The following ZNF718 variants were observed in gnomAD, a reference collection of about 807,000 sequenced individuals.
The protein encoded by ZNF718 is zinc finger protein 718.
ZNF718 carries 3 observed loss-of-function variants against 2.6 expected under a neutral mutation model. The ratio of observed to expected loss-of-function variants is 1.16; its 90% CI spans 0.53 to 3.01. The LOEUF (loss-of-function observed/expected upper bound fraction) is 3.01. Ranked by LOEUF, ZNF718 falls within the 30% of genes most tolerant of loss-of-function variation. The pLI, the probability that ZNF718 is intolerant of heterozygous loss-of-function variation, is 0.03. For synonymous variants in ZNF718, 135 were observed against 77.9 expected (o/e 1.73, Z -3.86); for missense variants, 468 against 230.0 (o/e 2.03, Z -6.69).
At chr4:149,902 T>C (rs574170450) in intron 3 of ZNF718, 25 of 152,256 alleles carry the variant, frequency 1.6e-4, no homozygotes, top group African/African-American at 4.8e-4. Context: ...AATTGCCTTC[T>C]TAAACATTTT....
downstream of ZNF718, among the ~76,000 whole-genome samples, chr4:167,710 G>A (rs1717122272): frequency 6.6e-6 from 1 of 152,174 alleles, no homozygotes; most frequent in Non-Finnish European, 1.5e-5. Context: ...TGTGTCCTGA[G>A]ACTTTGCTGA....
In ZNF718 at chr4:177,321, CACTG is replaced by C. The variant is rs148241146; in HGVS notation, c.227-23755_227-23752del. On this transcript the variant is annotated intron_variant and NMD_transcript_variant, in intron 3 of 4. Coordinates refer to the ZNF718 transcript ENST00000642529. ...TCCAGAAATTGTAGAGGTCTTGACA[CACTG>C]ACTGCAGCTCAGGAATAAATTCGCC... is the stretch of plus-strand genomic sequence containing the variant. 3.8e-3 allele frequency among the ~76,000 whole-genome samples: 585 copies of C among 152,316 alleles called. 9 individuals are homozygous for C. The highest frequency in any genetic ancestry group is 0.013 in the African/African-American group (541 of 41,572).
chr4:155,531 C>G (rs1484592439), intron 3 of ZNF718, among the ~76,000 whole-genome samples: 1 of 152,150 alleles, frequency 6.6e-6, no homozygotes, highest in Non-Finnish European at 1.5e-5. Flanking sequence ...ATTTGACTGC[C>G]TTGCTGAATT....
At chr4:175,659 C>T (rs782046758) in intron 3 of ZNF718, among the ~76,000 whole-genome samples, 1 of 152,046 alleles carries the variant, frequency 6.6e-6, no homozygotes, top group Admixed American at 6.6e-5. Context: ...TGCTTTAGTG[C>T]GTCAGCAATG....
intron 3 of ZNF718, among the ~76,000 whole-genome samples, chr4:138,420 A>T (rs377033888): frequency 6.6e-6 from 1 of 152,136 alleles, no homozygotes; most frequent in Non-Finnish European, 1.5e-5. Flanking sequence ...TCTTAACATA[A>T]TGACCTCTAG....
At chr4:133,465 A>T (rs897906855) in intron 3 of ZNF718, among the ~76,000 whole-genome samples, 5 of 152,076 alleles carry the variant, frequency 3.3e-5, no homozygotes, top group Non-Finnish European at 7.4e-5. Flanking sequence ...AATAACTATT[A>T]TCTTTTAATT....
chr4:135,021 A>G (rs1715496475), intron 3 of ZNF718, among the ~76,000 whole-genome samples: 1 of 152,170 alleles, frequency 6.6e-6, no homozygotes, highest in South Asian at 2.1e-4. Context: ...AGGTGGGTGG[A>G]TCACAAGGTC....
intron 3 of ZNF718, among the ~76,000 whole-genome samples, chr4:171,171 A>T (rs1717217433): frequency 6.6e-6 from 1 of 152,152 alleles, no homozygotes. Context: ...GATATTGGTG[A>T]ACAGCAGATG....
rs1166245424 is a variant in ZNF718, at chr4:129,777, T to TA, written c.4-1000dup. On this transcript the variant is annotated intron_variant, in intron 1 of 3. Transcript: ENST00000510175. Reference sequence around the variant, plus strand: ...ATATTGAGCTATTATTCTACGCATTTAAAAAAAAAAACAATGATAAGAAAA... The same window carrying TA: ...ATATTGAGCTATTATTCTACGCATTTAAAAAAAAAAAACAATGATAAGAAAA... Among the ~76,000 whole-genome samples the TA allele has an allele frequency of 8.1e-3, 750 of 92,592 alleles. 216 individuals are homozygous for TA. Among genetic ancestry groups the TA allele is most frequent in the African/African-American group, 0.027 (727 of 26,660 alleles). The allele number at this position is 92,592 out of a possible 152,430, so 60.7% of individuals were successfully genotyped here. A position where few individuals can be genotyped will look rare whatever the true frequency, so the allele number is the denominator to read the frequency against.
At chr4:192,783 A>T (rs1717718581) in intron 3 of ZNF718, among the ~76,000 whole-genome samples, 1 of 152,164 alleles carries the variant, frequency 6.6e-6, no homozygotes, top group Non-Finnish European at 1.5e-5. Context: ...TTGTAGTTTT[A>T]CAGCTTCGAT....
intron 3 of ZNF718, among the ~76,000 whole-genome samples, chr4:194,132 A>G (rs1717747446): frequency 6.6e-6 from 1 of 152,114 alleles, no homozygotes; most frequent in Admixed American, 6.5e-5. Context: ...GCCAAGTTCA[A>G]TAGGGTTTCT....
At chr4:142,058 A>G in intron 3 of ZNF718, 1 of 520,012 alleles carries the variant, frequency 1.9e-6, no homozygotes, top group Middle Eastern at 3.2e-4. Context: ...CACCCACACT[A>G]CAACAAAATG....
chr4:152,133 C>T (rs184054492), intron 3 of ZNF718, among the ~76,000 whole-genome samples: 33 of 148,924 alleles, frequency 2.2e-4, no homozygotes, highest in African/African-American at 7.9e-4. Context: ...AGCCTTAAGG[C>T]GGTTTTTCCC....
rs1553814082 is a variant in ZNF718 at position 158,226 on chromosome 4, T to C, written c.227-2686T>C. On this transcript the variant is annotated intron_variant, in intron 3 of 3. Transcript: ENST00000510175. ...ATTTGGTTATTTGCATGAAATGTCTTTTTTCATCTTGCCTTGTCTCCTTCC... is the reference window on the plus strand; with the variant it reads ...ATTTGGTTATTTGCATGAAATGTCTCTTTTCATCTTGCCTTGTCTCCTTCC... Among the ~76,000 whole-genome samples the C allele has an allele frequency of 1.3e-5, 2 of 152,090 alleles. 1 individual carries two copies. Among genetic ancestry groups the C allele is most frequent in the African/African-American group, 4.8e-5 (2 of 41,384 alleles).
chr4:182,889 G>A (rs1045568349), intron 3 of ZNF718, among the ~76,000 whole-genome samples: 2 of 151,982 alleles, frequency 1.3e-5, no homozygotes, highest in African/African-American at 4.8e-5. Context: ...CTTTTTATAG[G>A]TGCTGGATAT....
At chr4:194,013 G>T (rs1328284232) in intron 3 of ZNF718, among the ~76,000 whole-genome samples, 2 of 152,142 alleles carry the variant, frequency 1.3e-5, no homozygotes, top group African/African-American at 2.4e-5. Flanking sequence ...CTGTTCCAGA[G>T]CCTCCAAAGT....
At chr4:144,277 A>C (rs1581437161) in intron 3 of ZNF718, among the ~76,000 whole-genome samples, 1 of 152,342 alleles carries the variant, frequency 6.6e-6, no homozygotes, top group East Asian at 1.9e-4. Context: ...CAAGATGCCA[A>C]GAACCCGGAT....
At chr4:173,022 A>T (rs7678326) in intron 3 of ZNF718, among the ~76,000 whole-genome samples, 71,956 of 151,814 alleles carry the variant, frequency 0.47, 17,468 homozygotes, top group South Asian at 0.53. Context: ...TGCAGCCTGA[A>T]GACAGAGTGA....
rs1390796670 is a variant in ZNF718 at position 129,735 on chromosome 4, A to G, written c.4-1053A>G. Among the ~76,000 whole-genome samples the G allele has an allele frequency of 3.0e-5, 3 of 100,776 alleles. 1 individual carries two copies. Among genetic ancestry groups the G allele is most frequent in the African/African-American group, 6.9e-5 (2 of 28,876 alleles). The allele number at this position is 100,776 out of a possible 152,430, so 66.1% of individuals were successfully genotyped here. On this transcript the variant is annotated intron_variant, in intron 1 of 3. Transcript: ENST00000510175. ...ATTGCACTTAGCACTTCCTTTCTGT[A>G]TCTGTCCCGTCTCTCTATATTGAGC...
Sources: gnomAD v4.1 joint callset for allele counts (sites outside exome capture counted in the v4.1 genomes callset) on GRCh38, gnomAD v4.1.1 for gene constraint, MANE v1.5 for transcripts, NCBI Gene and HGNC (gene_info 2026-07-23, HGNC 2026-07-21) for gene names.